Variants in KANK1 observed in about 807,000 individuals in gnomAD.
KANK1 encodes KN motif and ankyrin repeat domains 1, also known as KN motif and ankyrin repeat domain-containing protein 1.
In KANK1, 109 loss-of-function variants were observed where a neutral mutation model predicts 106.2. That is an observed-to-expected ratio of 1.03 (90% CI 0.88 to 1.20). The LOEUF (loss-of-function observed/expected upper bound fraction) is 1.20. Ranked by LOEUF, KANK1 falls within the 50% of genes most tolerant of loss-of-function variation. The pLI is 0.00. For missense variants in KANK1, 2,399 were observed against 1,710.7 expected, an observed-to-expected ratio of 1.40 and a Z score of -7.10; for synonymous variants, 873 against 652.2, an observed-to-expected ratio of 1.34 and a Z score of -5.16.
intron 3 of KANK1, among the ~76,000 whole-genome samples, chr9:487,507 A>G (rs2058312810): frequency 6.6e-6 from 1 of 152,280 alleles, no homozygotes; most frequent in Admixed American, 6.5e-5. Flanking sequence ...GGGATGTCAT[A>G]ACCTCATCGT....
chr9:502,528 CTT>C (rs61692364), upstream of KANK1, among the ~76,000 whole-genome samples: 3 of 132,250 alleles, frequency 2.3e-5, no homozygotes, highest in African/African-American at 3.2e-5. Context: ...ATGGAGAGCA[CTT>C]TTTTTTTTTT....
chr9:727,355 G>A (rs998016552), intron 3 of KANK1, among the ~76,000 whole-genome samples: 3 of 151,326 alleles, frequency 2.0e-5, no homozygotes, highest in South Asian at 2.1e-4. Flanking sequence ...TCGCTCTGCC[G>A]CCCAGGCTGG....
chr9:624,891 A>G (rs1833986143), intron 1 of KANK1, among the ~76,000 whole-genome samples: 1 of 152,186 alleles, frequency 6.6e-6, no homozygotes, highest in Admixed American at 6.5e-5. Context: ...CTCTGAGGAA[A>G]AGGGGTGTGC....
intron 2 of KANK1, among the ~76,000 whole-genome samples, chr9:705,594 T>C (rs1188754756): frequency 6.6e-6 from 1 of 151,880 alleles, no homozygotes; most frequent in African/African-American, 2.4e-5. Flanking sequence ...AATGTATATT[T>C]TTTTTGGGGG....
intron 1 of KANK1, among the ~76,000 whole-genome samples, chr9:565,924 G>A (rs968871022): frequency 3.3e-5 from 5 of 152,150 alleles, no homozygotes; most frequent in Admixed American, 6.6e-5. Context: ...GGGTAAACTC[G>A]TGTCATGGGG....
chr9:636,947 G>A (rs1324162503), intron 1 of KANK1, among the ~76,000 whole-genome samples: 2 of 152,100 alleles, frequency 1.3e-5, no homozygotes, highest in Non-Finnish European at 2.9e-5. Flanking sequence ...TTTAAACCAA[G>A]CCACTTTAGA....
In KANK1 at chr9:711,560, AGCAGATGGCCATT is replaced by A; in HGVS notation, c.797_809del (p.Gln266LeufsTer2). The A allele has an allele frequency of 6.2e-7, 1 of 1,613,964 alleles. No homozygotes were observed. Among genetic ancestry groups the A allele is most frequent in the Non-Finnish European group, 8.5e-7 (1 of 1,179,926 alleles). ...CCCATGCACCTGCAGCACATCCGCG[AGCAGATGGCCATT>A]GCTCTGAAACGCCTGAAGGAGCTGG... On this transcript the variant is annotated frameshift_variant, in exon 3 of 12. Transcript: ENST00000382297. LOFTEE classifies it high-confidence loss of function.
chr9:588,895 A>G (rs945543735), intron 1 of KANK1, among the ~76,000 whole-genome samples: 3 of 152,190 alleles, frequency 2.0e-5, no homozygotes, highest in East Asian at 1.9e-4. Flanking sequence ...GCCTACTAGT[A>G]TTGTCTTCCA....
intron 1 of KANK1, among the ~76,000 whole-genome samples, chr9:670,394 G>C (rs1845603213): frequency 6.6e-6 from 1 of 152,130 alleles, no homozygotes; most frequent in Non-Finnish European, 1.5e-5. Flanking sequence ...TTTAGCTGTT[G>C]AATTTCTTAC....
intron 2 of KANK1, among the ~76,000 whole-genome samples, chr9:688,071 G>A (rs926169148): frequency 3.3e-5 from 5 of 152,170 alleles, no homozygotes; most frequent in African/African-American, 1.2e-4. Flanking sequence ...GAATTTGTGG[G>A]CCTGAGCCCT....
At chr9:724,728 G>A (rs1044061930) in intron 3 of KANK1, among the ~76,000 whole-genome samples, 1 of 152,078 alleles carries the variant, frequency 6.6e-6, no homozygotes, top group Non-Finnish European at 1.5e-5. Context: ...CTTGAACCCG[G>A]GAGGTGGAGG....
chr9:654,617 C>G (rs944591899), intron 1 of KANK1, among the ~76,000 whole-genome samples: 1 of 152,012 alleles, frequency 6.6e-6, no homozygotes, highest in African/African-American at 2.4e-5. Context: ...ACCCTATGAG[C>G]CCATGAGCAC....
chr9:596,410 G>C (rs958133140), intron 1 of KANK1, among the ~76,000 whole-genome samples: 1 of 151,800 alleles, frequency 6.6e-6, no homozygotes, highest in African/African-American at 2.4e-5. Context: ...GTAGAGAAAA[G>C]ACTAAAGGCA....
At chr9:490,573 A>C (rs932452026) in intron 3 of KANK1, among the ~76,000 whole-genome samples, 13 of 152,210 alleles carry the variant, frequency 8.5e-5, no homozygotes, top group African/African-American at 2.7e-4. Context: ...TCATTTAAAA[A>C]ATTATCTCCA....
At chr9:668,447 G>C (rs1293449029) in intron 1 of KANK1, among the ~76,000 whole-genome samples, 1 of 151,994 alleles carries the variant, frequency 6.6e-6, no homozygotes, top group Non-Finnish European at 1.5e-5. Flanking sequence ...ATTTCTGTTT[G>C]ATTTTTTGAA....
intron 1 of KANK1, among the ~76,000 whole-genome samples, chr9:518,962 C>T (rs1167456924): frequency 1.3e-5 from 2 of 151,452 alleles, no homozygotes; most frequent in Non-Finnish European, 2.9e-5. Context: ...ATGATCTCGG[C>T]TCACCGCAAA....
At chr9:680,053 C>G (rs957262192) in intron 2 of KANK1, among the ~76,000 whole-genome samples, 7 of 152,158 alleles carry the variant, frequency 4.6e-5, no homozygotes, top group African/African-American at 1.7e-4. Flanking sequence ...TTACTGGTCT[C>G]CTATGAGAAA....
At chr9:559,700 T>A (rs1160104187) in intron 1 of KANK1, among the ~76,000 whole-genome samples, 4 of 152,060 alleles carry the variant, frequency 2.6e-5, no homozygotes, top group Non-Finnish European at 5.9e-5. Context: ...ATGAAAAACA[T>A]GTACATTTTC....
chr9:729,849 G>A (rs140805911), intron 3 of KANK1, among the ~76,000 whole-genome samples: 14 of 152,276 alleles, frequency 9.2e-5, no homozygotes, highest in African/African-American at 3.1e-4. Context: ...AAGAAGAGGT[G>A]CTGTGGAGTT....
Sources: allele counts gnomAD v4.1 joint callset (sites outside exome capture counted in the v4.1 genomes callset), GRCh38; gene constraint gnomAD v4.1.1; transcripts MANE v1.5; gene names NCBI Gene and HGNC (gene_info 2026-07-23, HGNC 2026-07-21).